Variants in UGGT2 observed in about 807,000 individuals in gnomAD.
UGGT2 encodes the protein UDP-glucose glycoprotein glucosyltransferase 2.
Under a neutral mutation model 192.1 loss-of-function variants are expected in UGGT2, and 180 were observed. The ratio of observed to expected loss-of-function variants is 0.94; its 90% confidence interval spans 0.83 to 1.06. The LOEUF is 1.06. Among genes scored for constraint, UGGT2 ranks in the 50% least tolerant of loss-of-function variants. The pLI is 0.00. For missense variants in UGGT2, 1,849 were observed against 1,795.7 expected, an observed-to-expected ratio of 1.03 and a Z score of -0.54; for synonymous variants, 580 against 591.0, an observed-to-expected ratio of 0.98 and a Z score of 0.27.
At chr13:95,855,493 G>C (rs1889506297) in intron 34 of UGGT2, among the ~76,000 whole-genome samples, 1 of 138,144 alleles carries the variant, frequency 7.2e-6, no homozygotes, top group African/African-American at 2.6e-5. Context: ...AGAGGGCCTT[G>C]GGTGTTTTTT....
Position 95,801,828 on chromosome 13 carries a change from G to C in UGGT2, c.4529-16C>G. 6.2e-7 allele frequency: 1 copy of C among 1,613,426 alleles called. No individual in the cohort carries two copies. The highest frequency in any genetic ancestry group is 1.1e-5 in the South Asian group (1 of 91,012). ...TGTGTCAAAACTATAAGGGAGAAAA[G>C]TTTATTTAGCTTCTGGCATCTTAAA... On this transcript the variant is annotated splice_polypyrimidine_tract_variant and intron_variant, in intron 38 of 38. Transcript: ENST00000376747.
intron 17 of UGGT2, among the ~76,000 whole-genome samples, chr13:95,932,676 A>G (rs2049329106): frequency 6.6e-6 from 1 of 152,172 alleles, no homozygotes; most frequent in Non-Finnish European, 1.5e-5. Flanking sequence ...CCAGTCCTCA[A>G]GGGGAATGTT....
At chr13:95,808,983 G>T (rs1022833431) in intron 38 of UGGT2, among the ~76,000 whole-genome samples, 1 of 152,116 alleles carries the variant, frequency 6.6e-6, no homozygotes, top group African/African-American at 2.4e-5. Context: ...TTGCTGTTTA[G>T]TATGCTTTGT....
At chr13:95,910,129 G>T (rs902410847) in intron 20 of UGGT2, among the ~76,000 whole-genome samples, 10 of 152,188 alleles carry the variant, frequency 6.6e-5, no homozygotes, top group African/African-American at 2.2e-4. Context: ...ACCAGCCACT[G>T]CAAAAACATG....
intron 5 of UGGT2, among the ~76,000 whole-genome samples, chr13:96,005,799 A>G (rs1334429923): frequency 6.6e-6 from 1 of 152,188 alleles, no homozygotes; most frequent in Admixed American, 6.5e-5. Context: ...AGTAAAGATA[A>G]CGCTGAAATA....
At chr13:96,022,565 A>C in intron 4 of UGGT2, among the ~76,000 whole-genome samples, 1 of 135,562 alleles carries the variant, frequency 7.4e-6, no homozygotes, top group East Asian at 2.9e-4. Flanking sequence ...TAATCAGGCA[A>C]AAAAAATATA....
chr13:96,026,595 T>C (rs923065539), intron 2 of UGGT2, among the ~76,000 whole-genome samples: 1 of 151,284 alleles, frequency 6.6e-6, no homozygotes, highest in Non-Finnish European at 1.5e-5. Context: ...CTAAACAATA[T>C]TTTCCTAATC....
intron 24 of UGGT2, among the ~76,000 whole-genome samples, chr13:95,894,126 C>A (rs2047880666): frequency 6.6e-6 from 1 of 152,082 alleles, no homozygotes; most frequent in Non-Finnish European, 1.5e-5. Context: ...TTTGCCTTGA[C>A]CCTCTCTTCA....
At chr13:96,041,526 T>C (rs1453195950) in intron 1 of UGGT2, among the ~76,000 whole-genome samples, 2 of 152,144 alleles carry the variant, frequency 1.3e-5, no homozygotes, top group Non-Finnish European at 2.9e-5. Flanking sequence ...GAATCTGGTG[T>C]GCAAACTCCA....
In UGGT2 at chr13:95,856,153, AT is replaced by A. The variant is rs1889589993; in HGVS notation, c.4008+4del. 2.8e-5 allele frequency: 45 copies of A among 1,605,770 alleles called. No individual in the cohort carries two copies. Among genetic ancestry groups the A allele is most frequent in the Non-Finnish European group, 3.7e-5 (44 of 1,177,486 alleles). ...ATTACTAAAAATAGTAGTTAACCTT[AT>A]TACCTGGTCAGCATCAACAAAAATG... On this transcript the variant is annotated splice_donor_region_variant and intron_variant, in intron 34 of 38. Coordinates refer to ENST00000376747, the MANE Select transcript of UGGT2 (RefSeq NM_020121.4).
At chr13:95,835,285 C>A (rs530450785) in intron 37 of UGGT2, among the ~76,000 whole-genome samples, 1 of 152,204 alleles carries the variant, frequency 6.6e-6, no homozygotes, top group African/African-American at 2.4e-5. Flanking sequence ...ACGGAGATAT[C>A]CACTTAGGTC....
At chr13:95,875,807 T>C (rs554106039) in intron 29 of UGGT2, among the ~76,000 whole-genome samples, 1 of 152,262 alleles carries the variant, frequency 6.6e-6, no homozygotes, top group African/African-American at 2.4e-5. Flanking sequence ...CTAGGCACAG[T>C]ATAAAGGGGA....
intron 10 of UGGT2, among the ~76,000 whole-genome samples, chr13:95,976,019 A>AT (rs564037806): frequency 3.2e-4 from 49 of 152,270 alleles, no homozygotes; most frequent in Non-Finnish European, 5.6e-4. Context: ...AATGTTAAGC[A>AT]TAATCACCCT....
intron 1 of UGGT2, among the ~76,000 whole-genome samples, chr13:96,046,065 A>C (rs1352319305): frequency 6.6e-6 from 1 of 152,244 alleles, no homozygotes; most frequent in Admixed American, 6.5e-5. Context: ...TGGAGGAATC[A>C]CATTACCTGA....
intron 38 of UGGT2, among the ~76,000 whole-genome samples, chr13:95,805,957 G>A: frequency 1.3e-5 from 2 of 148,720 alleles, no homozygotes; most frequent in South Asian, 4.2e-4. Context: ...AATGGTATAG[G>A]ATTGAACCAA....
At chr13:96,035,931 G>GA (rs912821409) in intron 1 of UGGT2, among the ~76,000 whole-genome samples, 3 of 152,102 alleles carry the variant, frequency 2.0e-5, no homozygotes, top group African/African-American at 7.2e-5. Context: ...AGGTTGTGGA[G>GA]AAAAAAATGC....
At position 95,937,072 on chromosome 13, in the gene UGGT2, T is replaced by G; in HGVS notation, c.1829A>C (p.Tyr610Ser). 6.3e-7 allele frequency: 1 copy of G among 1,598,110 alleles called. No homozygotes were observed. The highest frequency in any genetic ancestry group is 2.2e-5 in the East Asian group (1 of 44,756). The change falls in exon 17 of 39, where the codon TAT becomes TCT. Residue 610 changes from tyrosine to serine, a missense_variant. Transcript: ENST00000376747. ...DEERKAGASFYKMTGLGPLPQ... is the reference protein window; with the variant it reads ...DEERKAGASFSKMTGLGPLPQ... ...CAAAGGACCCAGGCCAGTCATCTTATAAAAGCTTGCTCCAGCCTATTCAGT... is the reference window on the plus strand; with the variant it reads ...CAAAGGACCCAGGCCAGTCATCTTAGAAAAGCTTGCTCCAGCCTATTCAGT...
At chr13:95,876,305 T>C (rs1033707784) in intron 29 of UGGT2, among the ~76,000 whole-genome samples, 2 of 152,234 alleles carry the variant, frequency 1.3e-5, no homozygotes, top group African/African-American at 4.8e-5. Flanking sequence ...ATATCAATTA[T>C]GCTGGTACAG....
chr13:95,991,074 G>C (rs2051442487), intron 7 of UGGT2: 3 of 153,184 alleles, frequency 2.0e-5, no homozygotes, highest in African/African-American at 7.2e-5. Context: ...TATGGATGCA[G>C]AGTATTCTAT....
Sources: gnomAD v4.1 joint callset for allele counts (sites outside exome capture counted in the v4.1 genomes callset) on GRCh38, gnomAD v4.1.1 for gene constraint, MANE v1.5 for transcripts, NCBI Gene and HGNC (gene_info 2026-07-23, HGNC 2026-07-21) for gene names.